Variants in RBM17 observed in about 807,000 individuals in gnomAD.
The protein encoded by RBM17 is splicing factor 45.
In RBM17, 7 loss-of-function variants were observed where a neutral mutation model predicts 53.2. That is an observed-to-expected ratio of 0.13 (90% CI 0.07 to 0.25). The LOEUF (loss-of-function observed/expected upper bound fraction) is 0.25, where lower values mean the gene tolerates loss of function less well. RBM17 is among the 10% of genes least tolerant of loss of function. RBM17 has a pLI of 1.00. For synonymous variants in RBM17, 167 were observed against 178.1 expected (o/e 0.94, Z 0.50); for missense variants, 257 against 496.7 (o/e 0.52, Z 4.59).
chr10:6,107,340 T>G (rs1478983489), intron 5 of RBM17, among the ~76,000 whole-genome samples: 1 of 150,890 alleles, frequency 6.6e-6, no homozygotes, highest in Admixed American at 6.6e-5. Context: ...ACCACGCCCA[T>G]CTAATTTTTA....
chr10:6,116,505 T>C lies in RBM17; in HGVS notation c.*949T>C, dbSNP rs533016162. 2.0e-5 allele frequency: 3 copies of C among 152,510 alleles called. 1 individual carries two copies. The highest frequency in any genetic ancestry group is 2.0e-4 in the Admixed American group (3 of 15,306). 9.4% of individuals were successfully genotyped at this position (152,510 alleles called of 1,614,324 possible). A position where few individuals can be genotyped will look rare whatever the true frequency, so the allele number is the denominator to read the frequency against. The stretch of plus-strand genomic sequence containing the variant: ...ATTGAAGTTCAGTAGGATGTGTGGC[T>C]TAAAAATTTATCAGGACCACAAAAA... On this transcript the variant is annotated 3_prime_UTR_variant, in exon 12 of 12. Coordinates refer to ENST00000379888, the MANE Select transcript of RBM17 (RefSeq NM_032905.5).
intron 1 of RBM17, among the ~76,000 whole-genome samples, chr10:6,091,744 C>G (rs1840489127): frequency 6.6e-6 from 1 of 151,972 alleles, no homozygotes; most frequent in Non-Finnish European, 1.5e-5. Flanking sequence ...TAAGAAACAC[C>G]CCTGCCTTTA....
chr10:6,090,126 C>T (rs1199772622), intron 1 of RBM17, among the ~76,000 whole-genome samples: 1 of 152,062 alleles, frequency 6.6e-6, no homozygotes, highest in Non-Finnish European at 1.5e-5. Flanking sequence ...CAGGAGTAGT[C>T]AGGTCAGAAC....
chr10:6,100,860 A>C (rs1008307258), intron 2 of RBM17, among the ~76,000 whole-genome samples: 1 of 152,214 alleles, frequency 6.6e-6, no homozygotes, highest in Admixed American at 6.5e-5. Context: ...ATGGTCTAGC[A>C]AAAAATACAG....
intron 3 of RBM17, among the ~76,000 whole-genome samples, chr10:6,103,439 T>A (rs1217512907): frequency 6.6e-6 from 1 of 152,228 alleles, no homozygotes; most frequent in Non-Finnish European, 1.5e-5. Context: ...TGAACCTTCA[T>A]ATTGACAGTT....
intron 1 of RBM17, among the ~76,000 whole-genome samples, chr10:6,093,776 G>A (rs1840525813): frequency 6.6e-6 from 1 of 152,158 alleles, no homozygotes; most frequent in African/African-American, 2.4e-5. Flanking sequence ...TTTTTAGAAT[G>A]CCTGCATATA....
In RBM17 at chr10:6,112,605, A is replaced by G. The variant is rs1180128218; in HGVS notation, c.856+244A>G. 2.0e-6 allele frequency: 1 copy of G among 509,390 alleles called. No individual in the cohort carries two copies. Among genetic ancestry groups the G allele is most frequent in the Non-Finnish European group, 3.6e-6 (1 of 279,338 alleles). 31.6% of individuals were successfully genotyped at this position (509,390 alleles called of 1,614,324 possible). On this transcript the variant is annotated intron_variant, in intron 8 of 11. Coordinates refer to ENST00000379888, the MANE Select transcript of RBM17 (RefSeq NM_032905.5). This position sits in a 1 kb window ranked among gnomAD's most constrained non-coding sequence, Gnocchi z 4.4. ...ATTTTTTCAGAACAGACGTAGAGAG[A>G]TGAAGGCTTGTGGAGGAAAAGATGG...
rs1414778167 is a variant in RBM17, at chr10:6,098,560, TTTG to T, written c.123+1375_123+1377del. ...GAAAATTTCCGTAATACACAGGTTT[TTTG>T]TTTTTTTTTTTTTTTTTTTTTTTTT... is the stretch of plus-strand genomic sequence containing the variant. On this transcript the variant is annotated intron_variant, in intron 2 of 11. Transcript: ENST00000379888. 2.4e-3 allele frequency among the ~76,000 whole-genome samples: 84 copies of T among 35,736 alleles called. 8 individuals are homozygous for T. The highest frequency in any genetic ancestry group is 6.0e-3 in the African/African-American group (69 of 11,470). The allele number at this position is 35,736 out of a possible 152,430, so 23.4% of individuals were successfully genotyped here.
At position 6,099,787 on chromosome 10, in the gene RBM17, G is replaced by T. The variant is rs570582622; in HGVS notation, c.124-1484G>T. On this transcript the variant is annotated intron_variant, in intron 2 of 11. Transcript: ENST00000379888. ...AAATATGTGATTCTGGCTGGGCGTG[G>T]TGGCTCACACCTGTAATCCCAGCAC... Among the ~76,000 whole-genome samples the T allele has an allele frequency of 1.1e-4, 16 of 152,302 alleles. No individual in the cohort carries two copies. The South Asian group carries it at 2.9e-3, about 28-fold the overall frequency.
chr10:6,114,196 A>G lies in RBM17; in HGVS notation c.1029+49A>G, dbSNP rs74616142. 1,414 of 1,072,576 alleles carry G rather than the reference A, an allele frequency of 1.3e-3. 13 individuals are homozygous for G. In the African/African-American group the frequency reaches 0.02, roughly 15 times the overall value. The allele number at this position is 1,072,576 out of a possible 1,614,324, so 66.4% of individuals were successfully genotyped here. Reference sequence around the variant, plus strand: ...TTATAACACAAGTTGTAATTGGCACATTACAAAACATTTTCTACAAACAGG... The same window carrying G: ...TTATAACACAAGTTGTAATTGGCACGTTACAAAACATTTTCTACAAACAGG... On this transcript the variant is annotated intron_variant, in intron 10 of 11. Coordinates refer to ENST00000379888, the MANE Select transcript of RBM17 (RefSeq NM_032905.5).
rs750551874 is a variant in RBM17 at position 6,089,784 on chromosome 10, C to T, written c.-19+591C>T. The T allele has an allele frequency of 5.3e-4, 81 of 152,538 alleles. No individual in the cohort carries two copies. The highest frequency in any genetic ancestry group is 1.7e-3 in the South Asian group (8 of 4,828). The allele number at this position is 152,538 out of a possible 1,614,324, so 9.4% of individuals were successfully genotyped here. A position where few individuals can be genotyped will look rare whatever the true frequency, so the allele number is the denominator to read the frequency against. On this transcript the variant is annotated intron_variant, in intron 1 of 11. Coordinates refer to ENST00000379888, the MANE Select transcript of RBM17 (RefSeq NM_032905.5). The surrounding 1 kb of genome is among the most constrained non-coding windows in gnomAD (Gnocchi z 5.6). ...ACCCCAGGCAGTCTTTGAGCTTCGC[C>T]TCTTGCCCCGAGAATGTGTAATGAT...
intron 7 of RBM17, among the ~76,000 whole-genome samples, chr10:6,111,806 G>A (rs1840842368): frequency 6.6e-6 from 1 of 152,136 alleles, no homozygotes; most frequent in African/African-American, 2.4e-5. Flanking sequence ...TGCTATTTAG[G>A]AAAATGGGAT....
At chr10:6,108,976 C>CT (rs1163825469) in intron 6 of RBM17, among the ~76,000 whole-genome samples, 6 of 152,146 alleles carry the variant, frequency 3.9e-5, no homozygotes, top group Admixed American at 1.3e-4. Flanking sequence ...GGATCCATCT[C>CT]TTTTTTATGC....
intron 6 of RBM17, among the ~76,000 whole-genome samples, chr10:6,109,404 A>G (rs2132951636): frequency 6.6e-6 from 1 of 152,382 alleles, no homozygotes; most frequent in East Asian, 1.9e-4. Context: ...ATATTATGAA[A>G]TACCTATTAT....
intron 1 of RBM17, among the ~76,000 whole-genome samples, chr10:6,092,097 C>T (rs1361999432): frequency 6.6e-6 from 1 of 152,106 alleles, no homozygotes; most frequent in African/African-American, 2.4e-5. Context: ...ACGTGGGTTG[C>T]TCAAAGGGAA....
chr10:6,106,066 A>G, intron 4 of RBM17, 75 bp from the exon 5 acceptor site: 2 of 1,001,742 alleles, frequency 2.0e-6, no homozygotes, highest in South Asian at 1.4e-5. Context: ...CTTCTGGTCA[A>G]GAGGAAGTCA....
At chr10:6,093,264 A>C (rs1467345732) in intron 1 of RBM17, among the ~76,000 whole-genome samples, 2 of 152,130 alleles carry the variant, frequency 1.3e-5, no homozygotes, top group Non-Finnish European at 1.5e-5. Context: ...TCCAGGCTGG[A>C]GTGCAGTGGT....
intron 1 of RBM17, among the ~76,000 whole-genome samples, chr10:6,091,954 CT>C (rs1265601764): frequency 6.6e-6 from 1 of 152,112 alleles, no homozygotes; most frequent in Non-Finnish European, 1.5e-5. Flanking sequence ...CTTCCATGTT[CT>C]TTTTCCTGCC....
intron 9 of RBM17, 69 bp from the exon 10 acceptor site, chr10:6,113,980 T>C: frequency 1.0e-6 from 1 of 1,002,960 alleles, no homozygotes. Context: ...TAAGTCATAT[T>C]TATATACCTC....
Sources: gnomAD v4.1 joint callset for allele counts (sites outside exome capture counted in the v4.1 genomes callset) on GRCh38, gnomAD v4.1.1 for gene constraint, Gnocchi (gnomAD v3.1) non-coding constraint, MANE v1.5 for transcripts, NCBI Gene and HGNC (gene_info 2026-07-23, HGNC 2026-07-21) for gene names.